FAM180B: variants seen among roughly 807,000 people sequenced by gnomAD.
FAM180B encodes family with sequence similarity 180 member B.
FAM180B carries 14 observed loss-of-function variants against 13.6 expected under a neutral mutation model. The ratio of observed to expected loss-of-function variants is 1.03; its 90% confidence interval spans 0.68 to 1.60. The LOEUF is 1.60. FAM180B is among the 40% of genes most tolerant of loss of function. The pLI is 0.00. For missense variants in FAM180B, 212 were observed against 230.4 expected, an observed-to-expected ratio of 0.92 and a Z score of 0.52; for synonymous variants, 109 against 97.0, an observed-to-expected ratio of 1.12 and a Z score of -0.72.
Position 47,588,353 on chromosome 11 carries a change from G to A in FAM180B, c.471G>A (p.Trp157Ter), listed in dbSNP as rs1182358033. Residue 157 changes from tryptophan to a stop codon, truncating the protein, a stop_gained, in exon 3 of 3, where the codon TGG (tryptophan) becomes TGA (stop). Transcript: ENST00000538490. LOFTEE classifies it high-confidence loss of function. ...CTCTCCTGGCACAGGAAACACTCTG[G>A]GACCTGTGCAAAGGTTTCTGCCCCC... ...VFALLAQETL[W>*]DLCKGFCPQD... The A allele has an allele frequency of 6.5e-7, 1 of 1,536,566 alleles. No homozygotes were observed.
Position 47,588,638 on chromosome 11 carries a change from G to A in FAM180B, c.*204G>A. The stretch of plus-strand genomic sequence containing the variant: ...TGTTTCCTAGATCTTGAGAGGCTAA[G>A]AACCCAGGCTCTGGGTCGCAAGGAG... On this transcript the variant is annotated 3_prime_UTR_variant, in exon 3 of 3. Coordinates refer to ENST00000538490, the MANE Select transcript of FAM180B (RefSeq NM_001164379.3). The A allele has an allele frequency of 3.7e-6, 2 of 543,894 alleles. No homozygotes were observed. The highest frequency in any genetic ancestry group is 6.5e-6 in the Non-Finnish European group (2 of 306,298). 33.7% of individuals were successfully genotyped at this position (543,894 alleles called of 1,614,324 possible).
chr11:47,586,914 T>C (rs889386897), intron 1 of FAM180B, 61 bp downstream of exon 1: 17 of 1,161,574 alleles, frequency 1.5e-5, no homozygotes, highest in Non-Finnish European at 1.6e-5. Context: ...CAGTTAACAG[T>C]TGGCTCTATT....
chr11:47,587,744 G>A lies in FAM180B; in HGVS notation c.86-7G>A. On this transcript the variant is annotated splice_region_variant and splice_polypyrimidine_tract_variant and intron_variant, in intron 1 of 2. Transcript: ENST00000538490. ...GGCAGGGGCCTGACTCCTCTCTGCT[G>A]CCCCAGGGCAGCCCATGGACAGCAC... The A allele has an allele frequency of 1.3e-6, 2 of 1,513,248 alleles. No homozygotes were observed. Among genetic ancestry groups the A allele is most frequent in the Non-Finnish European group, 1.8e-6 (2 of 1,136,478 alleles). The allele number at this position is 1,513,248 out of a possible 1,614,324, so 93.7% of individuals were successfully genotyped here.
At position 47,588,517 on chromosome 11, in the gene FAM180B, G is replaced by C. The variant is rs1165828001; in HGVS notation, c.*83G>C. ...CCAGGCAGACCCATCTTGCGCAGGG[G>C]CTTCTGTCTGGCATCTGATTCTTTT... On this transcript the variant is annotated 3_prime_UTR_variant, in exon 3 of 3. Coordinates refer to ENST00000538490, the MANE Select transcript of FAM180B (RefSeq NM_001164379.3). The C allele has an allele frequency of 1.5e-6, 1 of 660,434 alleles. No homozygotes were observed. The highest frequency in any genetic ancestry group is 1.8e-5 in the African/African-American group (1 of 55,000). The allele number at this position is 660,434 out of a possible 1,614,324, so 40.9% of individuals were successfully genotyped here.
intron 1 of FAM180B, among the ~76,000 whole-genome samples, chr11:47,587,348 T>C (rs1315880994): frequency 6.6e-6 from 1 of 152,190 alleles, no homozygotes; most frequent in East Asian, 1.9e-4. Flanking sequence ...AAGAGGTCTT[T>C]GTCCTTGGGA....
rs191781208 is a variant in FAM180B, at chr11:47,588,274, G to C, written c.392G>C (p.Arg131Pro). ...CTCACAGGCCTGTCCTGCGTCTACCGGCTCCACGCAGCTAGTGAGGCTGAG... is the reference window on the plus strand; with the variant it reads ...CTCACAGGCCTGTCCTGCGTCTACCCGCTCCACGCAGCTAGTGAGGCTGAG... ...LLLTGLSCVY[R>P]LHAASEAEER... is the part of the protein sequence containing the mutation. The change falls in exon 3 of 3, where the codon CGG (arginine) becomes CCG (proline). Residue 131 changes from arginine to proline, a missense_variant. Coordinates refer to ENST00000538490, the MANE Select transcript of FAM180B (RefSeq NM_001164379.3). The C allele has an allele frequency of 6.5e-7, 1 of 1,537,008 alleles. No individual in the cohort carries two copies. The highest frequency in any genetic ancestry group is 8.7e-7 in the Non-Finnish European group (1 of 1,146,878).
intron 1 of FAM180B, among the ~76,000 whole-genome samples, chr11:47,587,466 G>A (rs1265788217): frequency 6.6e-6 from 1 of 152,200 alleles, no homozygotes; most frequent in Non-Finnish European, 1.5e-5. Context: ...TTTAACAAGG[G>A]CATTGTGCAA....
In FAM180B at chr11:47,588,711, T is replaced by TGTGTGAGA. The variant is rs1285147198; in HGVS notation, c.*282_*283insAGAGTGTG. The TGTGTGAGA allele has an allele frequency of 6.2e-5, 9 of 144,618 alleles. No homozygotes were observed. Among genetic ancestry groups the TGTGTGAGA allele is most frequent in the Non-Finnish European group, 1.0e-4 (9 of 88,184 alleles). The allele number at this position is 144,618 out of a possible 1,614,324, so 9.0% of individuals were successfully genotyped here. A position where few individuals can be genotyped will look rare whatever the true frequency, so the allele number is the denominator to read the frequency against. ...CTAAGGGCACGACTTGCAGGCAGTG[T>TGTGTGAGA]GTGTGTGAGTGTGTGTGTGTGTGTG... On this transcript the variant is annotated 3_prime_UTR_variant, in exon 3 of 3. Transcript: ENST00000538490.
In FAM180B at chr11:47,588,263, C is replaced by T. The variant is rs1209724097; in HGVS notation, c.381C>T (p.Ser127=). 6.5e-7 allele frequency: 1 copy of T among 1,537,188 alleles called. No homozygotes were observed. ...DFEHLLLTGL[S]CVYRLHAASE... ...AACATCTGCTCCTCACAGGCCTGTC[C>T]TGCGTCTACCGGCTCCACGCAGCTA... Residue 127 remains serine (S), a synonymous_variant, in exon 3 of 3, where the codon TCC becomes TCT. Coordinates refer to ENST00000538490, the MANE Select transcript of FAM180B (RefSeq NM_001164379.3).
At position 47,588,719 on chromosome 11, in the gene FAM180B, A is replaced by AGTGTGTGTGTGT. The variant is rs58699057; in HGVS notation, c.*311_*322dup. On this transcript the variant is annotated 3_prime_UTR_variant, in exon 3 of 3. Transcript: ENST00000538490. ...ACGACTTGCAGGCAGTGTGTGTGTG[A>AGTGTGTGTGTGT]GTGTGTGTGTGTGTGTGTGTGTGTG... 3 of 213,696 alleles carry AGTGTGTGTGTGT rather than the reference A, an allele frequency of 1.4e-5. No individual in the cohort carries two copies. The highest frequency in any genetic ancestry group is 1.8e-5 in the Non-Finnish European group (2 of 110,380). 13.2% of individuals were successfully genotyped at this position (213,696 alleles called of 1,614,324 possible).
Position 47,589,001 on chromosome 11 carries a change from G to A in FAM180B, c.*567G>A, listed in dbSNP as rs979472678. 67 of 152,324 alleles carry A rather than the reference G, an allele frequency of 4.4e-4. No individual in the cohort carries two copies. The highest frequency in any genetic ancestry group is 1.6e-3 in the African/African-American group (67 of 41,486). 9.4% of individuals were successfully genotyped at this position (152,324 alleles called of 1,614,324 possible). A position where few individuals can be genotyped will look rare whatever the true frequency, so the allele number is the denominator to read the frequency against. Reference sequence around the variant, plus strand: ...ACTTTTTGAGTTCTGTCAGTTGGAAGAGTGGAGGGAAGCAGGGGGAGGGAG... The same window carrying A: ...ACTTTTTGAGTTCTGTCAGTTGGAAAAGTGGAGGGAAGCAGGGGGAGGGAG... On this transcript the variant is annotated 3_prime_UTR_variant, in exon 3 of 3. Transcript: ENST00000538490.
At chr11:47,587,621 G>A (rs2097272321) in intron 1 of FAM180B, 130 bp from the exon 2 acceptor site, 2 of 606,186 alleles carry the variant, frequency 3.3e-6, no homozygotes, top group Middle Eastern at 2.6e-4. Flanking sequence ...GGCATGGGAT[G>A]GCATTCCTGC....
chr11:47,588,237 G>T lies in FAM180B; in HGVS notation c.355G>T (p.Glu119Ter). Residue 119 changes from glutamate to a stop codon, truncating the protein, a stop_gained, in exon 3 of 3, where the codon GAA becomes TAA. Coordinates refer to ENST00000538490, the MANE Select transcript of FAM180B (RefSeq NM_001164379.3). LOFTEE classifies it high-confidence loss of function. Reference protein sequence around the residue: ...KGPPLSTWDFEHLLLTGLSCV... With the variant: ...KGPPLSTWDF ...GCCTCCTCTTAGCACTTGGGACTTT[G>T]AACATCTGCTCCTCACAGGCCTGTC... 1 of 1,536,962 alleles carries T rather than the reference G, an allele frequency of 6.5e-7. No homozygotes were observed. Among genetic ancestry groups the T allele is most frequent in the Admixed American group, 2.0e-5 (1 of 50,992 alleles).
At chr11:47,587,696 C>G (rs1378574168) in intron 1 of FAM180B, 55 bp from the exon 2 acceptor site, 1 of 1,290,378 alleles carries the variant, frequency 7.7e-7, no homozygotes, top group South Asian at 1.5e-5. Context: ...TTCTGGGAGG[C>G]TGGGGTGTTC....
In FAM180B at chr11:47,586,695, C is replaced by A; in HGVS notation, c.-74C>A. 9.1e-7 allele frequency: 1 copy of A among 1,093,178 alleles called. No homozygotes were observed. Among genetic ancestry groups the A allele is most frequent in the Non-Finnish European group, 1.3e-6 (1 of 740,934 alleles). The allele number at this position is 1,093,178 out of a possible 1,614,324, so 67.7% of individuals were successfully genotyped here. A position where few individuals can be genotyped will look rare whatever the true frequency, so the allele number is the denominator to read the frequency against. ...AGCAGCCCGCAGTGGAAAGTTGGAG[C>A]TGAGGTGTGTGGCAGGCAGATGAGG... is the stretch of plus-strand genomic sequence containing the variant. On this transcript the variant is annotated 5_prime_UTR_variant, in exon 1 of 3. The change creates a new upstream start codon in the 5' untranslated region. Coordinates refer to ENST00000538490, the MANE Select transcript of FAM180B (RefSeq NM_001164379.3).
Position 47,587,792 on chromosome 11 carries a change from G to C in FAM180B, c.127G>C (p.Glu43Gln). The change falls in exon 2 of 3, where the codon GAG (glutamate) becomes CAG (glutamine). Residue 43 changes from glutamate to glutamine, a missense_variant. Glu to Gln is a conservative substitution (Grantham distance 29). Coordinates refer to ENST00000538490, the MANE Select transcript of FAM180B (RefSeq NM_001164379.3). ...DSTSVGGGLQEPEAPEVMFEL... is the reference protein window; with the variant it reads ...DSTSVGGGLQQPEAPEVMFEL... The stretch of plus-strand genomic sequence containing the variant: ...CACCAGCGTGGGAGGTGGCCTGCAG[G>C]AGCCAGAGGCCCCGGAAGTGATGTT... 1 of 1,535,450 alleles carries C rather than the reference G, an allele frequency of 6.5e-7. No individual in the cohort carries two copies. The highest frequency in any genetic ancestry group is 1.4e-5 in the African/African-American group (1 of 73,128).
rs149513538 is a variant in FAM180B, at chr11:47,587,039, G to A, written c.85+186G>A. 1.9e-3 allele frequency among the ~76,000 whole-genome samples: 287 copies of A among 152,280 alleles called. 1 individual carries two copies. The highest frequency in any genetic ancestry group is 0.014 in the Middle Eastern group (4 of 294). On this transcript the variant is annotated intron_variant, in intron 1 of 2. Transcript: ENST00000538490. ...ACTGGAAAGGTACAGGTGACACCTA[G>A]GGAGATAGCCCTAGGTGCTCTTAAT... is the stretch of plus-strand genomic sequence containing the variant.
At position 47,586,716 on chromosome 11, in the gene FAM180B, T is replaced by C; in HGVS notation, c.-53T>C. The C allele has an allele frequency of 2.3e-6, 3 of 1,332,616 alleles. No individual in the cohort carries two copies. Among genetic ancestry groups the C allele is most frequent in the Non-Finnish European group, 3.1e-6 (3 of 959,934 alleles). 82.5% of individuals were successfully genotyped at this position (1,332,616 alleles called of 1,614,324 possible). On this transcript the variant is annotated 5_prime_UTR_variant, in exon 1 of 3. It removes an upstream start codon present in the reference 5' UTR. Transcript: ENST00000538490. Reference sequence around the variant, plus strand: ...GGAGCTGAGGTGTGTGGCAGGCAGATGAGGGAGCAGAGAACTGCTGAACAG... The same window carrying C: ...GGAGCTGAGGTGTGTGGCAGGCAGACGAGGGAGCAGAGAACTGCTGAACAG...
chr11:47,586,845 C>T lies in FAM180B; in HGVS notation c.77C>T (p.Pro26Leu). 1.3e-6 allele frequency: 2 copies of T among 1,536,428 alleles called. No homozygotes were observed. The highest frequency in any genetic ancestry group is 2.0e-5 in the Admixed American group (1 of 50,994). The change falls in exon 1 of 3, where the codon CCC (proline) becomes CTC (leucine). Residue 26 changes from proline to leucine, a missense_variant. Coordinates refer to ENST00000538490, the MANE Select transcript of FAM180B (RefSeq NM_001164379.3). ...CTCTCTGGTGTGACTACAACCCAGC[C>T]CCATGCAGGTACCAGGCTTCAGGGT... ...CLLSGVTTTQ[P>L]HAGQPMDSTS...
Sources: gnomAD v4.1 joint callset for allele counts (sites outside exome capture counted in the v4.1 genomes callset) on GRCh38, gnomAD v4.1.1 for gene constraint, MANE v1.5 for transcripts, NCBI Gene and HGNC (gene_info 2026-07-23, HGNC 2026-07-21) for gene names.